LINGO1: variants seen among roughly 807,000 people sequenced by gnomAD.
LINGO1 encodes the protein leucine rich repeat and Ig domain containing 1, also known as leucine-rich repeat and immunoglobulin-like domain-containing nogo receptor-interacting protein 1.
LINGO1 carries 11 observed loss-of-function variants against 37.3 expected under a neutral mutation model. That is an observed-to-expected ratio of 0.29 (90% CI 0.19 to 0.49). The LOEUF (loss-of-function observed/expected upper bound fraction) is 0.49, where lower values mean the gene tolerates loss of function less well. LINGO1 is among the 20% of genes least tolerant of loss of function. The pLI is 0.99. For synonymous variants in LINGO1, 387 were observed against 403.0 expected (o/e 0.96, Z 0.48); for missense variants, 585 against 878.2 (o/e 0.67, Z 4.22).
chr15:77,692,840 C>T (rs1322318317), intron 1 of LINGO1, among the ~76,000 whole-genome samples: 1 of 152,248 alleles, frequency 6.6e-6, no homozygotes, highest in Non-Finnish European at 1.5e-5. Context: ...GTATCCAGGC[C>T]TCTGCCTCTA....
chr15:77,631,735 C>G (rs974571440), intron 1 of LINGO1, among the ~76,000 whole-genome samples: 6 of 152,224 alleles, frequency 3.9e-5, no homozygotes, highest in Non-Finnish European at 8.8e-5. Flanking sequence ...CTGGGCGCTC[C>G]CGGTCCCCAA....
At chr15:77,761,221 C>T (rs1189515176) in intron 1 of LINGO1, among the ~76,000 whole-genome samples, 2 of 152,038 alleles carry the variant, frequency 1.3e-5, no homozygotes, top group South Asian at 4.2e-4. Flanking sequence ...TGAGCCACTG[C>T]ACCTGGCCCA....
chr15:77,699,442 G>C (rs560455698), upstream of LINGO1, among the ~76,000 whole-genome samples: 45 of 492 alleles, frequency 0.091, no homozygotes, highest in Middle Eastern at 0.25. Context: ...TCCCCACATA[G>C]TAAACACATA....
At chr15:77,628,454 G>A (rs543255753) in intron 1 of LINGO1, among the ~76,000 whole-genome samples, 1 of 152,228 alleles carries the variant, frequency 6.6e-6, no homozygotes, top group South Asian at 2.1e-4. Context: ...AATTCCAGAG[G>A]ACTGCACACA....
chr15:77,807,014 T>G lies in LINGO1; in HGVS notation c.-457-10961A>C, dbSNP rs538364509. On this transcript the variant is annotated intron_variant, in intron 1 of 5. Coordinates refer to the LINGO1 transcript ENST00000562933. ...CTCTCCCTAGTAGCTCAGGCCCATC[T>G]GGGCAGCCTCGGCTCCAGCCACACC... Among the ~76,000 whole-genome samples the G allele has an allele frequency of 1.5e-4, 23 of 152,336 alleles. No homozygotes were observed. The South Asian group carries it at 4.4e-3, about 29-fold the overall frequency.
At chr15:77,797,792 GACA>G (rs2076885390) in intron 1 of LINGO1, among the ~76,000 whole-genome samples, 1 of 152,236 alleles carries the variant, frequency 6.6e-6, no homozygotes, top group Non-Finnish European at 1.5e-5. Flanking sequence ...GCTCCAAGGT[GACA>G]GCTATAATGT....
rs188118163 is a variant in LINGO1 at position 77,794,717 on chromosome 15, A to C, written c.-343+1222T>G. ...ATTCTCCTGCCTCAGCCTCCCGAGT[A>C]GCTGGGACTACAGGCGCCCGCCACC... On this transcript the variant is annotated intron_variant, in intron 2 of 5. Transcript: ENST00000562933. 9.0e-3 allele frequency among the ~76,000 whole-genome samples: 1,355 copies of C among 151,160 alleles called. 21 individuals are homozygous for C. The highest frequency in any genetic ancestry group is 0.032 in the African/African-American group (1,297 of 41,158).
At chr15:77,758,867 G>A (rs138101830) in intron 1 of LINGO1, among the ~76,000 whole-genome samples, 5 of 151,770 alleles carry the variant, frequency 3.3e-5, no homozygotes, top group Admixed American at 1.3e-4. Flanking sequence ...GGTCAGAAGC[G>A]GGGGGAGGAA....
chr15:77,708,913 A>G lies in LINGO1; in HGVS notation c.-194-18012T>C, dbSNP rs540463508. On this transcript the variant is annotated intron_variant, in intron 2 of 3. Transcript: ENST00000561686. ...TGGGTGACAGAGCGAGACTGTCTCA[A>G]CAAAAACAACAAAGAGGTCAACTTG... Among the ~76,000 whole-genome samples the G allele has an allele frequency of 1.6e-3, 237 of 152,334 alleles. 1 individual carries two copies. The highest frequency in any genetic ancestry group is 5.2e-3 in the African/African-American group (218 of 41,578).
chr15:77,628,245 A>G (rs565405473), intron 1 of LINGO1, among the ~76,000 whole-genome samples: 2 of 152,332 alleles, frequency 1.3e-5, no homozygotes, highest in African/African-American at 4.8e-5. Context: ...GTTGCCTCAG[A>G]GATGGGATGA....
intron 2 of LINGO1, among the ~76,000 whole-genome samples, chr15:77,792,881 G>A (rs1255509551): frequency 1.3e-5 from 2 of 152,214 alleles, no homozygotes; most frequent in Non-Finnish European, 2.9e-5. Context: ...TCATCCTTGG[G>A]AGAAACAGGC....
chr15:77,763,389 A>C (rs1596201750), intron 1 of LINGO1, among the ~76,000 whole-genome samples: 1 of 151,546 alleles, frequency 6.6e-6, no homozygotes, highest in African/African-American at 2.4e-5. Flanking sequence ...GGGACCCAGT[A>C]CCTCCCCCAG....
At chr15:77,664,189 G>A (rs1018485701) in intron 3 of LINGO1, among the ~76,000 whole-genome samples, 1 of 151,404 alleles carries the variant, frequency 6.6e-6, no homozygotes. Context: ...GCATGCGTTT[G>A]CATTCTCAGC....
chr15:77,643,398 C>T (rs1291606968), intron 3 of LINGO1, among the ~76,000 whole-genome samples: 1 of 152,180 alleles, frequency 6.6e-6, no homozygotes, highest in South Asian at 2.1e-4. Context: ...CCTCTCCCCT[C>T]CCCGTCTAGG....
At chr15:77,782,492 G>A (rs1377779058) in intron 1 of LINGO1, among the ~76,000 whole-genome samples, 1 of 152,194 alleles carries the variant, frequency 6.6e-6, no homozygotes, top group Admixed American at 6.5e-5. Context: ...GACCAGAAGT[G>A]AGAAGGTCCC....
At chr15:77,706,448 G>A (rs771748184) in intron 2 of LINGO1, among the ~76,000 whole-genome samples, 34 of 152,044 alleles carry the variant, frequency 2.2e-4, no homozygotes, top group Non-Finnish European at 3.7e-4. Flanking sequence ...CTTTCTCTTA[G>A]ACCAAAACCC....
chr15:77,819,734 C>T (rs1284515465), intron 1 of LINGO1, among the ~76,000 whole-genome samples: 4 of 151,114 alleles, frequency 2.6e-5, no homozygotes, highest in African/African-American at 9.7e-5. Context: ...CCGCTGCTCC[C>T]CGTAGGGACC....
chr15:77,624,199 T>C lies in LINGO1; in HGVS notation c.6+8111A>G, dbSNP rs570265214. 7.2e-3 allele frequency among the ~76,000 whole-genome samples: 1,070 copies of C among 147,730 alleles called. 22 individuals carry two copies. The highest frequency in any genetic ancestry group is 0.026 in the African/African-American group (1,029 of 39,720). Reference sequence around the variant, plus strand: ...TGTGTGTGTGTGTGTGTGTGATGTGTGGCCTCTGTGTGTGTGTGTGTATGT... The same window carrying C: ...TGTGTGTGTGTGTGTGTGTGATGTGCGGCCTCTGTGTGTGTGTGTGTATGT... On this transcript the variant is annotated intron_variant, in intron 1 of 1. Transcript: ENST00000355300.
At chr15:77,751,271 G>A (rs2076368546) in intron 1 of LINGO1, among the ~76,000 whole-genome samples, 1 of 152,310 alleles carries the variant, frequency 6.6e-6, no homozygotes, top group African/African-American at 2.4e-5. Flanking sequence ...AAAAGTAAGG[G>A]AATGATCCTT....
Sources: allele counts gnomAD v4.1 joint callset (sites outside exome capture counted in the v4.1 genomes callset), GRCh38; gene constraint gnomAD v4.1.1; transcripts MANE v1.5; gene names NCBI Gene and HGNC (gene_info 2026-07-23, HGNC 2026-07-21).